Variants in MECOM observed in about 807,000 individuals in gnomAD.
MECOM encodes histone-lysine N-methyltransferase MECOM.
In MECOM, 13 loss-of-function variants were observed where a neutral mutation model predicts 116.3. The observed-to-expected ratio is 0.11, with a 90% CI of 0.07 to 0.18. MECOM has a LOEUF of 0.18. MECOM is among the 10% of genes least tolerant of loss of function. MECOM has a pLI of 1.00. For synonymous variants in MECOM, 528 were observed against 535.2 expected (o/e 0.99, Z 0.19); for missense variants, 1,299 against 1,509.0 (o/e 0.86, Z 2.31).
chr3:169,329,584 G>A (rs1000478771), intron 2 of MECOM, among the ~76,000 whole-genome samples: 2 of 152,082 alleles, frequency 1.3e-5, no homozygotes, highest in Admixed American at 6.5e-5. Context: ...CATCTAACTC[G>A]CTCTGTCCAG....
At chr3:169,518,183 C>T (rs9813796) in intron 1 of MECOM, among the ~76,000 whole-genome samples, 13,288 of 151,472 alleles carry the variant, frequency 0.088, 1,934 homozygotes, top group African/African-American at 0.31. Context: ...GGTGCGAACC[C>T]GGGAGGCGGA....
intron 1 of MECOM, among the ~76,000 whole-genome samples, chr3:169,438,823 T>G (rs894417117): frequency 1.4e-4 from 22 of 152,212 alleles, no homozygotes; most frequent in African/African-American, 5.3e-4. Flanking sequence ...AAACAACTTT[T>G]TATTAATCTT....
intron 1 of MECOM, among the ~76,000 whole-genome samples, chr3:169,530,235 T>TG (rs372753860): frequency 1.7e-3 from 255 of 152,228 alleles, no homozygotes; most frequent in African/African-American, 5.9e-3. Flanking sequence ...ATGAATCACT[T>TG]GGGGGTACTT....
intron 2 of MECOM, among the ~76,000 whole-genome samples, chr3:169,367,198 C>T (rs1360202956): frequency 6.6e-6 from 1 of 152,044 alleles, no homozygotes; most frequent in Non-Finnish European, 1.5e-5. Context: ...AGGAGAGAGT[C>T]TGAAAGCAGC....
At chr3:169,282,483 G>A (rs1712288341) in intron 2 of MECOM, among the ~76,000 whole-genome samples, 1 of 152,150 alleles carries the variant, frequency 6.6e-6, no homozygotes, top group African/African-American at 2.4e-5. Flanking sequence ...CTAGCACATT[G>A]CCACATGCTA....
chr3:169,413,516 T>G (rs980166863), intron 1 of MECOM, among the ~76,000 whole-genome samples: 3 of 149,756 alleles, frequency 2.0e-5, no homozygotes, highest in Non-Finnish European at 4.4e-5. Flanking sequence ...CCAAGTGGCA[T>G]CTGGAACTCC....
chr3:169,477,179 A>C (rs2108830729), intron 1 of MECOM: 1 of 136,674 alleles, frequency 7.3e-6, no homozygotes, highest in African/African-American at 2.8e-5. Flanking sequence ...TTGCAATAGG[A>C]AGTCTTCACA....
chr3:169,577,141 T>C (rs1182460874), intron 1 of MECOM, among the ~76,000 whole-genome samples: 1 of 152,124 alleles, frequency 6.6e-6, no homozygotes, highest in East Asian at 1.9e-4. Context: ...CCTCACATGT[T>C]AAAAAGATAT....
intron 3 of MECOM, among the ~76,000 whole-genome samples, chr3:169,132,755 CTTTT>C (rs371541265): frequency 1.4e-5 from 2 of 139,192 alleles, no homozygotes. Flanking sequence ...TTTTTCTTTT[CTTTT>C]TTTTTTTTTT....
intron 7 of MECOM, 80 bp from the exon 8 acceptor site, chr3:169,116,819 T>C: frequency 6.7e-7 from 1 of 1,486,310 alleles, no homozygotes; most frequent in Non-Finnish European, 8.9e-7. Context: ...ATTGGTTTAC[T>C]CAAAATTTCA....
chr3:169,452,852 C>CA (rs1294333037), intron 1 of MECOM, among the ~76,000 whole-genome samples: 1 of 152,070 alleles, frequency 6.6e-6, no homozygotes, highest in Non-Finnish European at 1.5e-5. Context: ...TTGAAAATAA[C>CA]AAAAAATTAT....
intron 1 of MECOM, among the ~76,000 whole-genome samples, chr3:169,476,284 T>C (rs575794698): frequency 1.8e-4 from 27 of 152,370 alleles, no homozygotes; most frequent in African/African-American, 6.5e-4. Context: ...ATTTCCATTA[T>C]GCTTGATAAA....
chr3:169,488,923 A>T (rs964229341), intron 1 of MECOM, among the ~76,000 whole-genome samples: 10 of 151,818 alleles, frequency 6.6e-5, no homozygotes, highest in East Asian at 1.9e-4. Flanking sequence ...GAACAGAATT[A>T]AAAAAAACAA....
intron 2 of MECOM, among the ~76,000 whole-genome samples, chr3:169,212,058 C>T (rs1516499): frequency 0.1 from 15,672 of 152,022 alleles, 1,014 homozygotes; most frequent in African/African-American, 0.18. Context: ...TATCAGAAAG[C>T]TTTCAGGGGA....
At chr3:169,186,972 C>A (rs1018471391) in intron 2 of MECOM, among the ~76,000 whole-genome samples, 4 of 152,094 alleles carry the variant, frequency 2.6e-5, no homozygotes, top group African/African-American at 9.7e-5. Context: ...CAGTGATGAT[C>A]AATATTCAGT....
At chr3:169,543,987 G>A (rs1685315469) in intron 1 of MECOM, among the ~76,000 whole-genome samples, 1 of 152,214 alleles carries the variant, frequency 6.6e-6, no homozygotes, top group South Asian at 2.1e-4. Flanking sequence ...CTGGGTTCAA[G>A]TGATCCTCCT....
chr3:169,378,502 AAAGAAAGAAAG>A (rs370503868), intron 2 of MECOM, among the ~76,000 whole-genome samples: 26,784 of 61,224 alleles, frequency 0.44, 8,532 homozygotes, highest in African/African-American at 0.61. Context: ...AGAAAGAAAG[AAAGAAAGAAAG>A]AAAAGAAAGA....
intron 1 of MECOM, among the ~76,000 whole-genome samples, chr3:169,459,001 C>T (rs1746986235): frequency 6.6e-6 from 1 of 151,828 alleles, no homozygotes; most frequent in Non-Finnish European, 1.5e-5. Flanking sequence ...AATGATGACT[C>T]GATTCCCTTA....
intron 2 of MECOM, among the ~76,000 whole-genome samples, chr3:169,216,392 G>C (rs1391095054): frequency 6.6e-6 from 1 of 152,038 alleles, no homozygotes; most frequent in Non-Finnish European, 1.5e-5. Flanking sequence ...ATTTCTAGTG[G>C]TGTTTAGGCA....
Sources: gnomAD v4.1 joint callset for allele counts (sites outside exome capture counted in the v4.1 genomes callset) on GRCh38, gnomAD v4.1.1 for gene constraint, MANE v1.5 for transcripts, NCBI Gene and HGNC (gene_info 2026-07-23, HGNC 2026-07-21) for gene names.